The following FAT3 variants were observed in gnomAD, a reference collection of about 807,000 sequenced individuals.
The protein encoded by FAT3 is FAT atypical cadherin 3.
A neutral mutation model predicts 310.2 loss-of-function variants in FAT3; 95 were observed. The observed-to-expected ratio is 0.31, with a 90% CI of 0.26 to 0.36. FAT3 has a LOEUF of 0.36. Ranked by LOEUF, FAT3 falls within the 10% of genes least tolerant of loss-of-function variation. The probability of loss-of-function intolerance (pLI) is 1.00; values close to 1 mark genes in which losing one functional copy is unlikely to be tolerated. For missense variants in FAT3, 5,408 were observed against 5,715.6 expected (o/e 0.95, Z 1.74); for synonymous variants, 2,314 against 2,192.9 (o/e 1.06, Z -1.54).
chr11:92,244,204 T>C (rs993331209), intron 1 of FAT3, among the ~76,000 whole-genome samples: 13 of 152,260 alleles, frequency 8.5e-5, no homozygotes, highest in African/African-American at 2.9e-4. Context: ...ATATTTTCTT[T>C]TACTGTGTTT....
chr11:92,541,117 A>G (rs1470535506), intron 3 of FAT3, among the ~76,000 whole-genome samples: 2 of 152,196 alleles, frequency 1.3e-5, no homozygotes, highest in Admixed American at 1.3e-4. Context: ...TTATTCGCTC[A>G]ACATTCAGTG....
At chr11:92,260,615 C>T (rs1470611428) in intron 1 of FAT3, among the ~76,000 whole-genome samples, 1 of 152,042 alleles carries the variant, frequency 6.6e-6, no homozygotes, top group Non-Finnish European at 1.5e-5. Context: ...GGAAATGGGC[C>T]ATGAACTAAT....
chr11:92,584,110 G>A (rs963044428), intron 3 of FAT3, among the ~76,000 whole-genome samples: 6 of 152,088 alleles, frequency 3.9e-5, no homozygotes, highest in South Asian at 2.1e-4. Flanking sequence ...CTGTGTTTTT[G>A]AGAAGATTAA....
intron 3 of FAT3, among the ~76,000 whole-genome samples, chr11:92,591,169 A>G (rs2135559003): frequency 6.6e-6 from 1 of 152,300 alleles, no homozygotes; most frequent in South Asian, 2.1e-4. Context: ...GAACAAAGCA[A>G]TAAAACCCAT....
chr11:92,812,623 A>G (rs1272569077), intron 13 of FAT3, among the ~76,000 whole-genome samples: 1 of 152,050 alleles, frequency 6.6e-6, no homozygotes, highest in Non-Finnish European at 1.5e-5. Flanking sequence ...AGAAAAAAAA[A>G]CTTATAATAG....
chr11:92,321,577 T>C (rs550135515), intron 1 of FAT3, among the ~76,000 whole-genome samples: 1 of 152,250 alleles, frequency 6.6e-6, no homozygotes, highest in East Asian at 1.9e-4. Flanking sequence ...CAGATCACTT[T>C]CCTGAGAAAA....
chr11:92,459,868 G>A (rs769937189), intron 2 of FAT3, among the ~76,000 whole-genome samples: 2 of 151,940 alleles, frequency 1.3e-5, no homozygotes, highest in Non-Finnish European at 2.9e-5. Flanking sequence ...TCAAATGCTA[G>A]TTGATCTTTA....
chr11:92,650,888 A>G (rs974802470), intron 3 of FAT3, among the ~76,000 whole-genome samples: 7 of 152,224 alleles, frequency 4.6e-5, no homozygotes, highest in Non-Finnish European at 2.9e-5. Context: ...GTTTAGCAGG[A>G]GGAACATATT....
chr11:92,549,262 C>T (rs1296262202), intron 3 of FAT3, among the ~76,000 whole-genome samples: 2 of 152,082 alleles, frequency 1.3e-5, no homozygotes, highest in African/African-American at 4.8e-5. Flanking sequence ...CATTTAGGGC[C>T]AGCAATAATC....
chr11:92,889,131 A>T (rs994780081), intron 25 of FAT3, 58 bp from the exon 26 acceptor site: 8 of 673,944 alleles, frequency 1.2e-5, no homozygotes, highest in African/African-American at 9.1e-5. Context: ...TGTTTAAAAT[A>T]TACAACTAAC....
chr11:92,584,827 A>G (rs911812961), intron 3 of FAT3, among the ~76,000 whole-genome samples: 1 of 152,076 alleles, frequency 6.6e-6, no homozygotes, highest in African/African-American at 2.4e-5. Context: ...CAAGGATTGA[A>G]AAAAAGAAAG....
chr11:92,594,296 A>G (rs1939592702), intron 3 of FAT3, among the ~76,000 whole-genome samples: 1 of 152,176 alleles, frequency 6.6e-6, no homozygotes, highest in Non-Finnish European at 1.5e-5. Context: ...TACAAAAATT[A>G]TCTGGACATG....
At chr11:92,782,847 T>C (rs1185816526) in intron 7 of FAT3, among the ~76,000 whole-genome samples, 2 of 152,200 alleles carry the variant, frequency 1.3e-5, no homozygotes, top group African/African-American at 2.4e-5. Flanking sequence ...AGTTTCTAAT[T>C]GGCCTGCTTC....
Position 92,801,322 on chromosome 11 carries a change from G to C in FAT3, c.8309G>C (p.Arg2770Pro), listed in dbSNP as rs1165851078. The change falls in exon 10 of 28, where the codon CGC (arginine) becomes CCC (proline). Residue 2770 changes from arginine to proline, a missense_variant. By Grantham distance (103) the Arg-to-Pro change is moderately radical. This residue lies in a region of FAT3 where 4,588 missense variants were observed against 4,809.8 expected (regional missense o/e 0.95). Coordinates refer to ENST00000525166, the MANE Select transcript of FAT3 (RefSeq NM_001367949.2). Reference protein sequence around the residue: ...QETGTIKLDKRLDRETSPAFH... With the variant: ...QETGTIKLDKPLDRETSPAFH... ...ACAGGCACTATTAAGCTTGACAAAC[G>C]CCTTGACCGTGAAACCAGCCCAGCT... 11 of 1,613,942 alleles carry C rather than the reference G, an allele frequency of 6.8e-6. No individual in the cohort carries two copies. The highest frequency in any genetic ancestry group is 5.9e-6 in the Non-Finnish European group (7 of 1,179,872).
At chr11:92,409,022 A>C (rs1460873453) in intron 2 of FAT3, among the ~76,000 whole-genome samples, 1 of 152,218 alleles carries the variant, frequency 6.6e-6, no homozygotes, top group Non-Finnish European at 1.5e-5. Flanking sequence ...TTAATGAATT[A>C]AACATTACGT....
intron 22 of FAT3, among the ~76,000 whole-genome samples, chr11:92,867,465 A>G (rs1293547398): frequency 1.3e-5 from 2 of 152,138 alleles, no homozygotes; most frequent in Non-Finnish European, 2.9e-5. Flanking sequence ...GAGGCCATCA[A>G]CTCTGCCCAC....
intron 2 of FAT3, among the ~76,000 whole-genome samples, chr11:92,479,502 A>G (rs1407206777): frequency 1.3e-5 from 2 of 152,188 alleles, no homozygotes; most frequent in African/African-American, 4.8e-5. Flanking sequence ...TTAAGGCTCA[A>G]TATTACGTGC....
chr11:92,335,444 G>T (rs753752177), intron 1 of FAT3, among the ~76,000 whole-genome samples: 1 of 152,112 alleles, frequency 6.6e-6, no homozygotes, highest in Non-Finnish European at 1.5e-5. Flanking sequence ...TGAGGTAATT[G>T]TATGAAATTA....
intron 1 of FAT3, among the ~76,000 whole-genome samples, chr11:92,306,562 T>TA (rs1162360147): frequency 7.7e-6 from 1 of 129,770 alleles, no homozygotes; most frequent in African/African-American, 2.9e-5. Flanking sequence ...TTATATATAT[T>TA]TATATTATAT....
Sources: gnomAD v4.1 joint callset for allele counts (sites outside exome capture counted in the v4.1 genomes callset) on GRCh38, gnomAD v4.1.1 for gene constraint, gnomAD v4.1.1 regional missense constraint, MANE v1.5 for transcripts, NCBI Gene and HGNC (gene_info 2026-07-23, HGNC 2026-07-21) for gene names.